Variants in KCNH8 observed in about 807,000 individuals in gnomAD.
KCNH8 encodes the protein voltage-gated delayed rectifier potassium channel KCNH8.
Under a neutral mutation model 103.6 loss-of-function variants are expected in KCNH8, and 70 were observed. That is an observed-to-expected ratio of 0.68 (90% CI 0.56 to 0.82). The LOEUF is 0.82. Ranked by LOEUF, KCNH8 falls within the 40% of genes least tolerant of loss-of-function variation. The pLI is 0.00. For missense variants in KCNH8, 1,217 were observed against 1,329.9 expected (o/e 0.92, Z 1.32); for synonymous variants, 498 against 489.4 (o/e 1.02, Z -0.23).
chr3:19,528,094 GGGAAGAAGAAAAAAAGA>G (rs1392332640), intron 15 of KCNH8, among the ~76,000 whole-genome samples: 2 of 151,442 alleles, frequency 1.3e-5, no homozygotes, highest in Non-Finnish European at 2.9e-5. Flanking sequence ...AAGGAGAAGG[GGGAAGAAGAAAAAAAGA>G]GGAAGAGGGG....
At chr3:19,351,828 C>T (rs1333089276) in intron 5 of KCNH8, among the ~76,000 whole-genome samples, 2 of 152,258 alleles carry the variant, frequency 1.3e-5, no homozygotes, top group Non-Finnish European at 2.9e-5. Context: ...ACTGCGTCAA[C>T]TAACAAGCAA....
In KCNH8 at chr3:19,400,233, A is replaced by AAAAG. The variant is rs2066591591; in HGVS notation, c.1177+4925_1177+4926insGAAA. On this transcript the variant is annotated intron_variant, in intron 7 of 15. Transcript: ENST00000328405. The stretch of plus-strand genomic sequence containing the variant: ...CTACCAGATACGATGTTAGCCAGCA[A>AAAAG]AAAAAAAAAAAAAAAAAAAAAAGCA... Among the ~76,000 whole-genome samples, 3 of 142,302 alleles carry AAAAG rather than the reference A, an allele frequency of 2.1e-5. 1 individual carries two copies. The highest frequency in any genetic ancestry group is 7.6e-5 in the African/African-American group (3 of 39,436). The allele number at this position is 142,302 out of a possible 152,430, so 93.4% of individuals were successfully genotyped here.
At chr3:19,425,904 A>G (rs2067021871) in intron 7 of KCNH8, among the ~76,000 whole-genome samples, 1 of 152,252 alleles carries the variant, frequency 6.6e-6, no homozygotes, top group East Asian at 1.9e-4. Flanking sequence ...TGACAATTGT[A>G]TTTTTAAACA....
At chr3:19,289,481 G>C (rs903469798) in intron 3 of KCNH8, among the ~76,000 whole-genome samples, 1 of 152,062 alleles carries the variant, frequency 6.6e-6, no homozygotes, top group African/African-American at 2.4e-5. Flanking sequence ...ATTAAATAGG[G>C]AATCCTCTCC....
At position 19,253,706 on chromosome 3, in the gene KCNH8, C is replaced by T; in HGVS notation, c.129C>T (p.Val43=). 6.2e-7 allele frequency: 1 copy of T among 1,613,734 alleles called. No individual in the cohort carries two copies. Among genetic ancestry groups the T allele is most frequent in the Non-Finnish European group, 8.5e-7 (1 of 1,179,908 alleles). ...AGGTGGCTAAGGGTTTCCCCATAGT[C>T]TACTGTTCCGATGGCTTCTGCGAGC... The part of the protein sequence containing the change: ...NAQVAKGFPI[V]YCSDGFCELA... The change falls in exon 2 of 16, where the codon GTC becomes GTT. Residue 43 remains valine (V), a synonymous_variant. Coordinates refer to ENST00000328405, the MANE Select transcript of KCNH8 (RefSeq NM_144633.3).
At chr3:19,357,045 A>C (rs2065889675) in intron 5 of KCNH8, among the ~76,000 whole-genome samples, 1 of 151,920 alleles carries the variant, frequency 6.6e-6, no homozygotes, top group Admixed American at 6.6e-5. Context: ...GTATGCCCAG[A>C]TTCAGGGAAT....
chr3:19,527,307 G>A (rs532241518), intron 15 of KCNH8, among the ~76,000 whole-genome samples: 17 of 152,124 alleles, frequency 1.1e-4, no homozygotes, highest in African/African-American at 2.9e-4. Flanking sequence ...TAGAGATAAC[G>A]GTAGTTTCTA....
intron 11 of KCNH8, among the ~76,000 whole-genome samples, chr3:19,509,682 T>A (rs2068751041): frequency 6.6e-6 from 1 of 152,204 alleles, no homozygotes; most frequent in African/African-American, 2.4e-5. Flanking sequence ...TGATGGTATA[T>A]CAACACTGAT....
intron 1 of KCNH8, among the ~76,000 whole-genome samples, chr3:19,243,354 A>G (rs73819508): frequency 3.6e-4 from 55 of 152,250 alleles, no homozygotes; most frequent in African/African-American, 1.3e-3. Flanking sequence ...CCATCTCTGC[A>G]TTATTATAAT....
chr3:19,440,278 A>G (rs1045514883), intron 8 of KCNH8, among the ~76,000 whole-genome samples: 2 of 152,174 alleles, frequency 1.3e-5, no homozygotes, highest in African/African-American at 2.4e-5. Context: ...TAGAGGCACA[A>G]TAGAAAGGAA....
intron 11 of KCNH8, among the ~76,000 whole-genome samples, chr3:19,486,399 G>A (rs1349732965): frequency 1.1e-4 from 17 of 152,188 alleles, no homozygotes; most frequent in Admixed American, 7.8e-4. Context: ...ACCACAGCAT[G>A]GGGGGCTTTT....
chr3:19,175,433 T>A, intron 1 of KCNH8, among the ~76,000 whole-genome samples: 1 of 151,986 alleles, frequency 6.6e-6, no homozygotes. Flanking sequence ...GTGGTCTCGA[T>A]CTCCTGACCT....
intron 5 of KCNH8, among the ~76,000 whole-genome samples, chr3:19,355,404 AATCATGCTGCTATAAAGAC>A (rs1387280536): frequency 6.6e-6 from 1 of 152,206 alleles, no homozygotes; most frequent in African/African-American, 2.4e-5. Flanking sequence ...AAGGATTATA[AATCATGCTGCTATAAAGAC>A]ACATGCACAC....
intron 15 of KCNH8, among the ~76,000 whole-genome samples, chr3:19,524,260 G>A (rs1164974358): frequency 6.6e-6 from 1 of 151,716 alleles, no homozygotes; most frequent in Non-Finnish European, 1.5e-5. Flanking sequence ...TCTTCATCCT[G>A]ATCATATATA....
intron 11 of KCNH8, among the ~76,000 whole-genome samples, chr3:19,473,105 C>CAAA (rs920016345): frequency 6.6e-6 from 1 of 152,136 alleles, no homozygotes; most frequent in Non-Finnish European, 1.5e-5. Flanking sequence ...GTGAAAGAAT[C>CAAA]AAACAGAATA....
intron 11 of KCNH8, among the ~76,000 whole-genome samples, chr3:19,469,160 G>A (rs1355266476): frequency 6.6e-6 from 1 of 152,114 alleles, no homozygotes; most frequent in Admixed American, 6.6e-5. Context: ...TCACTTTTCT[G>A]AGATAATTGT....
At chr3:19,152,289 T>C (rs992259744) in intron 1 of KCNH8, among the ~76,000 whole-genome samples, 1 of 152,182 alleles carries the variant, frequency 6.6e-6, no homozygotes, top group African/African-American at 2.4e-5. Context: ...TACCAATGTA[T>C]TTATATTTGA....
chr3:19,175,914 G>A (rs557736113), intron 1 of KCNH8, among the ~76,000 whole-genome samples: 3 of 152,288 alleles, frequency 2.0e-5, no homozygotes, highest in South Asian at 2.1e-4. Context: ...CCAAGTTCCC[G>A]TATGGCACTC....
chr3:19,162,198 C>A (rs1216644713), intron 1 of KCNH8, among the ~76,000 whole-genome samples: 1 of 151,908 alleles, frequency 6.6e-6, no homozygotes, highest in Non-Finnish European at 1.5e-5. Context: ...ACAAAACTTG[C>A]AGATAGAAGC....
Sources: allele counts gnomAD v4.1 joint callset (sites outside exome capture counted in the v4.1 genomes callset), GRCh38; gene constraint gnomAD v4.1.1; transcripts MANE v1.5; gene names NCBI Gene and HGNC (gene_info 2026-07-23, HGNC 2026-07-21).